Variants in PDE4D observed in about 807,000 individuals in gnomAD.
PDE4D encodes the protein phosphodiesterase 4D.
In PDE4D, 24 loss-of-function variants were observed where a neutral mutation model predicts 87.4. That is an observed-to-expected ratio of 0.27 (90% CI 0.20 to 0.39). The LOEUF (loss-of-function observed/expected upper bound fraction) is 0.39. Ranked by LOEUF, PDE4D falls within the 10% of genes least tolerant of loss-of-function variation. The probability of loss-of-function intolerance (pLI) is 1.00; values close to 1 mark genes in which losing one functional copy is unlikely to be tolerated. For missense variants in PDE4D, 714 were observed against 1,041.0 expected (o/e 0.69, Z 4.32); for synonymous variants, 384 against 383.2 (o/e 1.00, Z -0.02).
chr5:60,032,648 A>G (rs550306685), intron 2 of PDE4D: 1 of 152,300 alleles, frequency 6.6e-6, no homozygotes, highest in Admixed American at 6.5e-5. Context: ...AAAGTGTCAA[A>G]TGGGAGATAA....
At chr5:60,409,399 G>A (rs1741852780) in intron 1 of PDE4D, among the ~76,000 whole-genome samples, 1 of 152,080 alleles carries the variant, frequency 6.6e-6, no homozygotes, top group African/African-American at 2.4e-5. Context: ...AGAATTGTGA[G>A]AGGCGGAGCA....
At chr5:60,241,147 G>C (rs1747061759) in intron 1 of PDE4D, among the ~76,000 whole-genome samples, 2 of 151,122 alleles carry the variant, frequency 1.3e-5, no homozygotes, top group African/African-American at 4.9e-5. Flanking sequence ...AAGGAATTTA[G>C]AATAATATCA....
chr5:59,862,368 T>A (rs1249950790), intron 1 of PDE4D, among the ~76,000 whole-genome samples: 1 of 152,198 alleles, frequency 6.6e-6, no homozygotes, highest in Non-Finnish European at 1.5e-5. Context: ...AAGTCATATC[T>A]AATCCCATTT....
chr5:59,407,527 G>A (rs1791911642), intron 1 of PDE4D, among the ~76,000 whole-genome samples: 1 of 152,230 alleles, frequency 6.6e-6, no homozygotes, highest in Non-Finnish European at 1.5e-5. Flanking sequence ...AACTGGGTAA[G>A]AGACAGAGGT....
intron 1 of PDE4D, among the ~76,000 whole-genome samples, chr5:59,614,775 A>G (rs962030110): frequency 3.3e-5 from 5 of 152,130 alleles, no homozygotes; most frequent in Non-Finnish European, 7.3e-5. Context: ...CTGTAAATTG[A>G]TACATCCTCA....
chr5:60,480,856 C>T (rs1285110429), intron 1 of PDE4D, among the ~76,000 whole-genome samples: 1 of 152,026 alleles, frequency 6.6e-6, no homozygotes, highest in Non-Finnish European at 1.5e-5. Flanking sequence ...TATTATTGTT[C>T]AGTTTCACCA....
chr5:59,955,253 A>G (rs1758705128), intron 3 of PDE4D, among the ~76,000 whole-genome samples: 1 of 152,158 alleles, frequency 6.6e-6, no homozygotes, highest in Admixed American at 6.5e-5. Context: ...TTTCAGAAAA[A>G]CTAAAACACT....
intron 1 of PDE4D, among the ~76,000 whole-genome samples, chr5:60,375,248 T>C (rs1478643012): frequency 6.6e-6 from 1 of 152,220 alleles, no homozygotes; most frequent in Non-Finnish European, 1.5e-5. Flanking sequence ...GACAGGGACA[T>C]ATCTGTCTCT....
At chr5:59,381,278 C>T (rs1785785359) in intron 1 of PDE4D, among the ~76,000 whole-genome samples, 4 of 152,088 alleles carry the variant, frequency 2.6e-5, no homozygotes, top group African/African-American at 9.7e-5. Context: ...CAACTCCGTT[C>T]TGATGACTTC....
At chr5:59,236,786 A>T (rs1413050022) in intron 1 of PDE4D, among the ~76,000 whole-genome samples, 1 of 151,986 alleles carries the variant, frequency 6.6e-6, no homozygotes, top group Non-Finnish European at 1.5e-5. Context: ...GAAAGAAGGG[A>T]AAAAAGGAGA....
Position 58,969,890 on chromosome 5 carries a change from T to C in PDE4D, c.*4774A>G, listed in dbSNP as rs1205549326. On this transcript the variant is annotated 3_prime_UTR_variant, in exon 15 of 15. Transcript: ENST00000340635. ...TAATCTTATAGGCCATCTAAGTAAT[T>C]TTGGTAATTTTTAATGTAGCAAAAT... is the stretch of plus-strand genomic sequence containing the variant. 1.3e-5 allele frequency: 2 copies of C among 152,172 alleles called. No individual in the cohort carries two copies. The highest frequency in any genetic ancestry group is 4.8e-5 in the African/African-American group (2 of 41,452). 9.4% of individuals were successfully genotyped at this position (152,172 alleles called of 1,614,324 possible).
intron 2 of PDE4D, among the ~76,000 whole-genome samples, chr5:60,102,545 G>T (rs1455892154): frequency 6.6e-6 from 1 of 152,028 alleles, no homozygotes; most frequent in Admixed American, 6.6e-5. Context: ...ATTTTAACAT[G>T]ACTGTCACGT....
intron 2 of PDE4D, among the ~76,000 whole-genome samples, chr5:60,100,323 A>G (rs1776093711): frequency 1.3e-5 from 2 of 152,004 alleles, no homozygotes; most frequent in Admixed American, 1.3e-4. Context: ...GGAGGAATAG[A>G]TGGGATTGGG....
intron 2 of PDE4D, among the ~76,000 whole-genome samples, chr5:60,124,342 TTAC>T (rs1778942728): frequency 6.6e-6 from 1 of 152,298 alleles, no homozygotes; most frequent in East Asian, 1.9e-4. Context: ...TCCAGAAATA[TTAC>T]TACATCTTCC....
chr5:59,364,849 C>T (rs1036214088), intron 1 of PDE4D, among the ~76,000 whole-genome samples: 3 of 151,796 alleles, frequency 2.0e-5, no homozygotes, highest in Non-Finnish European at 2.9e-5. Flanking sequence ...ACCTACCTTC[C>T]TTCCTTCCTT....
intron 2 of PDE4D, among the ~76,000 whole-genome samples, chr5:60,182,894 A>C (rs1469775509): frequency 6.6e-6 from 1 of 152,100 alleles, no homozygotes; most frequent in Non-Finnish European, 1.5e-5. Flanking sequence ...AAAAAAAAAA[A>C]AAAGAATATC....
intron 1 of PDE4D, among the ~76,000 whole-genome samples, chr5:60,356,796 A>T (rs974306803): frequency 5.3e-5 from 8 of 152,174 alleles, no homozygotes; most frequent in African/African-American, 1.4e-4. Flanking sequence ...CACTTGTTTG[A>T]TTAACGGTAT....
At chr5:60,503,246 C>G (rs1750176855) in intron 1 of PDE4D, among the ~76,000 whole-genome samples, 1 of 152,138 alleles carries the variant, frequency 6.6e-6, no homozygotes, top group African/African-American at 2.4e-5. Flanking sequence ...AAAACATAAA[C>G]AGGGCAGAAT....
In PDE4D at chr5:60,332,523, T is replaced by C. The variant is rs184686895; in HGVS notation, c.-89-146836A>G. Reference sequence around the variant, plus strand: ...TGCTGCTACAAAGGACATGATTTTATTGTTTTTATGTCTGCATAGTATTCC... The same window carrying C: ...TGCTGCTACAAAGGACATGATTTTACTGTTTTTATGTCTGCATAGTATTCC... On this transcript the variant is annotated intron_variant, in intron 1 of 16. Coordinates refer to the PDE4D transcript ENST00000502484. 2.6e-5 allele frequency among the ~76,000 whole-genome samples: 4 copies of C among 152,344 alleles called. No individual in the cohort carries two copies. The East Asian group carries it at 7.7e-4, about 29-fold the overall frequency.
Sources: allele counts gnomAD v4.1 joint callset (sites outside exome capture counted in the v4.1 genomes callset), GRCh38; gene constraint gnomAD v4.1.1; transcripts MANE v1.5; gene names NCBI Gene and HGNC (gene_info 2026-07-23, HGNC 2026-07-21).